SNX4: variants seen among roughly 807,000 people sequenced by gnomAD.
SNX4 encodes the protein sorting nexin-4.
SNX4 carries 49 observed loss-of-function variants against 70.8 expected under a neutral mutation model. The ratio of observed to expected loss-of-function variants is 0.69; its 90% CI spans 0.55 to 0.88. The LOEUF is 0.88. Ranked by LOEUF, SNX4 falls within the 40% of genes least tolerant of loss-of-function variation. SNX4 has a pLI of 0.00. For synonymous variants in SNX4, 206 were observed against 183.8 expected, an observed-to-expected ratio of 1.12 and a Z score of -0.98; for missense variants, 528 against 544.8, an observed-to-expected ratio of 0.97 and a Z score of 0.31.
chr3:125,493,428 T>C (rs1269282522), intron 5 of SNX4, among the ~76,000 whole-genome samples: 2 of 149,964 alleles, frequency 1.3e-5, no homozygotes, highest in African/African-American at 4.9e-5. Flanking sequence ...CTGAGGCAGA[T>C]GGATCACGAG....
chr3:125,500,316 A>G (rs1934897782), intron 2 of SNX4, among the ~76,000 whole-genome samples: 1 of 152,200 alleles, frequency 6.6e-6, no homozygotes, highest in African/African-American at 2.4e-5. Context: ...CAAGCCATCA[A>G]GGCATTACTA....
chr3:125,461,153 G>C lies in SNX4; in HGVS notation c.855-293C>G, dbSNP rs1456388372. 2.0e-5 allele frequency among the ~76,000 whole-genome samples: 3 copies of C among 152,192 alleles called. No individual in the cohort carries two copies. The East Asian group carries it at 5.8e-4, about 29-fold the overall frequency. Reference sequence around the variant, plus strand: ...AGGCAGGAGAATCTCTTGAACCCGGGAGGAGGAGGTTGCAGTGAGCCAAGA... The same window carrying C: ...AGGCAGGAGAATCTCTTGAACCCGGCAGGAGGAGGTTGCAGTGAGCCAAGA... On this transcript the variant is annotated intron_variant, in intron 9 of 13. Transcript: ENST00000251775.
At chr3:125,464,915 T>C (rs138802326) in intron 9 of SNX4, among the ~76,000 whole-genome samples, 131 of 151,756 alleles carry the variant, frequency 8.6e-4, no homozygotes, top group African/African-American at 2.9e-3. Flanking sequence ...TGGCTAATAT[T>C]TATATTTTTA....
intron 1 of SNX4, among the ~76,000 whole-genome samples, chr3:125,515,114 A>G (rs1374012819): frequency 6.6e-6 from 1 of 152,184 alleles, no homozygotes; most frequent in African/African-American, 2.4e-5. Context: ...TTGAGAGGCC[A>G]AGGCAGGAGG....
chr3:125,519,130 G>C (rs1378510567), intron 1 of SNX4, among the ~76,000 whole-genome samples: 1 of 152,194 alleles, frequency 6.6e-6, no homozygotes, highest in Non-Finnish European at 1.5e-5. Context: ...GGTCGAGGGT[G>C]AAGTGAGCTG....
At chr3:125,485,918 G>A (rs1367233548) in intron 6 of SNX4, among the ~76,000 whole-genome samples, 1 of 152,054 alleles carries the variant, frequency 6.6e-6, no homozygotes. Context: ...TTGGCTCACT[G>A]CAACCTCCGC....
chr3:125,478,802 G>A (rs1934342613), intron 7 of SNX4, among the ~76,000 whole-genome samples: 1 of 151,710 alleles, frequency 6.6e-6, no homozygotes, highest in South Asian at 2.1e-4. Flanking sequence ...CTGAATGTTT[G>A]TCCCCCATCT....
chr3:125,501,870 TCA>T (rs1022857123), intron 2 of SNX4, among the ~76,000 whole-genome samples: 2 of 152,236 alleles, frequency 1.3e-5, no homozygotes, highest in African/African-American at 4.8e-5. Flanking sequence ...AAATATGTAT[TCA>T]CAGTCTAGCT....
chr3:125,519,913 C>G, intron 1 of SNX4, 119 bp downstream of exon 1: 3 of 956,098 alleles, frequency 3.1e-6, no homozygotes, highest in Non-Finnish European at 4.4e-6. Context: ...CCCCTCACTG[C>G]TGGGCCTCCT....
intron 10 of SNX4, among the ~76,000 whole-genome samples, chr3:125,458,892 G>C: frequency 6.7e-6 from 1 of 149,016 alleles, no homozygotes; most frequent in East Asian, 2.0e-4. Flanking sequence ...AAAAAAAAGA[G>C]GCTGGGCATG....
At chr3:125,450,237 G>A (rs1933540867) in intron 13 of SNX4, among the ~76,000 whole-genome samples, 1 of 152,108 alleles carries the variant, frequency 6.6e-6, no homozygotes, top group Non-Finnish European at 1.5e-5. Flanking sequence ...CAACAGTCAC[G>A]ATCTAAACTT....
chr3:125,472,925 C>T (rs758002063), intron 8 of SNX4, among the ~76,000 whole-genome samples: 6 of 152,066 alleles, frequency 3.9e-5, no homozygotes, highest in Non-Finnish European at 7.4e-5. Context: ...CTCCCCTGTC[C>T]ACCATCCCAC....
chr3:125,463,763 C>T (rs1039454758), intron 9 of SNX4, among the ~76,000 whole-genome samples: 1 of 152,192 alleles, frequency 6.6e-6, no homozygotes, highest in Admixed American at 6.5e-5. Context: ...TTAACATATC[C>T]ATCACCTGAC....
intron 10 of SNX4, 141 bp from the exon 11 acceptor site, chr3:125,457,506 A>G (rs572077599): frequency 3.3e-6 from 2 of 612,940 alleles, no homozygotes; most frequent in East Asian, 3.2e-5. Context: ...AAAATGTAGT[A>G]GCCCAACATT....
chr3:125,469,407 C>T (rs1208197748), intron 9 of SNX4, 47 bp downstream of exon 9: 1 of 1,294,660 alleles, frequency 7.7e-7, no homozygotes, highest in Non-Finnish European at 1.1e-6. Flanking sequence ...TAATGCTTCA[C>T]TACAGGACTT....
At chr3:125,486,128 C>G (rs1037879916) in intron 6 of SNX4, among the ~76,000 whole-genome samples, 2 of 152,142 alleles carry the variant, frequency 1.3e-5, no homozygotes, top group Non-Finnish European at 2.9e-5. Context: ...CGTAAGCCAC[C>G]GCACCTGGCC....
intron 5 of SNX4, among the ~76,000 whole-genome samples, chr3:125,493,178 G>A (rs1018998572): frequency 3.9e-5 from 6 of 151,952 alleles, no homozygotes; most frequent in Admixed American, 6.6e-5. Context: ...CAAACTCCTG[G>A]GCTAAAGTGA....
chr3:125,460,186 T>C (rs1266662571), intron 10 of SNX4, among the ~76,000 whole-genome samples: 1 of 138,518 alleles, frequency 7.2e-6, no homozygotes, highest in African/African-American at 2.9e-5. Context: ...ACAGCCAAAC[T>C]CTAGTCTGTC....
At chr3:125,485,717 A>G (rs1579994181) in intron 6 of SNX4, among the ~76,000 whole-genome samples, 1 of 152,192 alleles carries the variant, frequency 6.6e-6, no homozygotes, top group Non-Finnish European at 1.5e-5. Flanking sequence ...ACTATTACCT[A>G]AGATAAAGCC....
Sources: allele counts gnomAD v4.1 joint callset (sites outside exome capture counted in the v4.1 genomes callset), GRCh38; gene constraint gnomAD v4.1.1; transcripts MANE v1.5; gene names NCBI Gene and HGNC (gene_info 2026-07-23, HGNC 2026-07-21).